Variants in CHRM2 observed in about 807,000 individuals in gnomAD.
CHRM2 encodes muscarinic acetylcholine receptor M2.
In CHRM2, 8 loss-of-function variants were observed where a neutral mutation model predicts 25.0. That is an observed-to-expected ratio of 0.32 (90% CI 0.19 to 0.58). The LOEUF (loss-of-function observed/expected upper bound fraction) is 0.58, where lower values mean the gene tolerates loss of function less well. Among genes scored for constraint, CHRM2 ranks in the 20% least tolerant of loss-of-function variants. The pLI is 0.88. For missense variants in CHRM2, 440 were observed against 567.1 expected (o/e 0.78, Z 2.28); for synonymous variants, 202 against 205.7 (o/e 0.98, Z 0.15).
chr7:136,975,278 TG>T (rs1802037809), intron 2 of CHRM2, among the ~76,000 whole-genome samples: 1 of 152,156 alleles, frequency 6.6e-6, no homozygotes, highest in Admixed American at 6.5e-5. Flanking sequence ...TGGAGTCAAC[TG>T]ACACACAGGG....
chr7:136,890,794 T>C (rs568893483), intron 2 of CHRM2, among the ~76,000 whole-genome samples: 1 of 152,310 alleles, frequency 6.6e-6, no homozygotes, highest in South Asian at 2.1e-4. Flanking sequence ...TGTATGTGTA[T>C]GTGTGAATTT....
chr7:137,007,996 T>C (rs1804560513), intron 3 of CHRM2, among the ~76,000 whole-genome samples: 1 of 152,120 alleles, frequency 6.6e-6, no homozygotes, highest in Non-Finnish European at 1.5e-5. Context: ...GTTTATAAAT[T>C]AGTGGGATTA....
rs1269792475 is a variant in CHRM2 at position 137,012,087 on chromosome 7, A to G, written c.-46-2733A>G. On this transcript the variant is annotated intron_variant, in intron 3 of 3. Transcript: ENST00000680005. ...GTCCTATGCTTTATCAAAATTATGA[A>G]TAATTAAAATGCAGAGTCAATACAT... Among the ~76,000 whole-genome samples, 3 of 146,178 alleles carry G rather than the reference A, an allele frequency of 2.1e-5. No individual in the cohort carries two copies. The East Asian group carries it at 5.8e-4, about 28-fold the overall frequency.
intron 2 of CHRM2, among the ~76,000 whole-genome samples, chr7:136,947,304 C>CT (rs1294120880): frequency 1.3e-5 from 2 of 151,874 alleles, no homozygotes; most frequent in Non-Finnish European, 2.9e-5. Context: ...AATATGTATG[C>CT]TTTTTTTCCT....
At chr7:136,941,538 C>A (rs192526439) in intron 2 of CHRM2, among the ~76,000 whole-genome samples, 1 of 152,162 alleles carries the variant, frequency 6.6e-6, no homozygotes, top group African/African-American at 2.4e-5. Flanking sequence ...GTGTTCTCCC[C>A]ACATGGGTTT....
At chr7:136,944,896 C>T (rs534222248) in intron 2 of CHRM2, among the ~76,000 whole-genome samples, 1 of 152,048 alleles carries the variant, frequency 6.6e-6, no homozygotes, top group Middle Eastern at 3.2e-3. Context: ...CTTTTCACCA[C>T]ATCCATACCA....
intron 2 of CHRM2, among the ~76,000 whole-genome samples, chr7:136,943,916 C>G (rs1226527813): frequency 1.3e-5 from 2 of 152,066 alleles, no homozygotes; most frequent in African/African-American, 4.8e-5. Flanking sequence ...AACTCCTGCC[C>G]ATGTATACAA....
intron 2 of CHRM2, among the ~76,000 whole-genome samples, chr7:136,940,331 A>G (rs1799693334): frequency 6.6e-6 from 1 of 152,212 alleles, no homozygotes; most frequent in Non-Finnish European, 1.5e-5. Flanking sequence ...CGTTGAACAG[A>G]TCAGAGAGGA....
chr7:136,932,216 C>G (rs1233570235), intron 2 of CHRM2, among the ~76,000 whole-genome samples: 1 of 152,084 alleles, frequency 6.6e-6, no homozygotes, highest in African/African-American at 2.4e-5. Flanking sequence ...ATAAAACGGA[C>G]AAAATCTTAG....
chr7:136,883,190 G>C (rs902907226), intron 2 of CHRM2, among the ~76,000 whole-genome samples: 2 of 152,084 alleles, frequency 1.3e-5, no homozygotes, highest in African/African-American at 4.8e-5. Flanking sequence ...CCTAGCAGTG[G>C]GGATCTTCCA....
chr7:136,926,348 G>A lies in CHRM2; in HGVS notation c.-125+56930G>A, dbSNP rs373284378. On this transcript the variant is annotated intron_variant, in intron 2 of 3. Transcript: ENST00000680005. ...AGTTGACATATTTTTGAGCACCTATGACGTGTCAGGCAGGAATAGACTGCT... is the reference window on the plus strand; with the variant it reads ...AGTTGACATATTTTTGAGCACCTATAACGTGTCAGGCAGGAATAGACTGCT... 2.0e-5 allele frequency among the ~76,000 whole-genome samples: 3 copies of A among 152,270 alleles called. No homozygotes were observed. The East Asian group carries it at 5.8e-4, about 29-fold the overall frequency.
chr7:136,925,687 T>C (rs12536341), intron 2 of CHRM2, among the ~76,000 whole-genome samples: 36,271 of 152,034 alleles, frequency 0.24, 5,694 homozygotes, highest in Non-Finnish European at 0.35. Flanking sequence ...ACCTCCTGTC[T>C]CTGCAGAAAT....
intron 2 of CHRM2, among the ~76,000 whole-genome samples, chr7:136,912,654 G>A (rs765352705): frequency 6.6e-6 from 1 of 151,780 alleles, no homozygotes; most frequent in Non-Finnish European, 1.5e-5. Flanking sequence ...TTGCTTCTTA[G>A]GTGGTAAAAA....
chr7:136,930,059 C>T (rs1798969009), intron 2 of CHRM2, among the ~76,000 whole-genome samples: 3 of 151,160 alleles, frequency 2.0e-5, no homozygotes, highest in Admixed American at 2.0e-4. Flanking sequence ...CAACCTCTGC[C>T]AATTAATGAA....
intron 3 of CHRM2, among the ~76,000 whole-genome samples, chr7:137,000,025 A>G (rs1478007431): frequency 1.3e-5 from 2 of 152,124 alleles, no homozygotes; most frequent in Admixed American, 1.3e-4. Context: ...TACTAAAACA[A>G]CATCTCAAAC....
intron 2 of CHRM2, among the ~76,000 whole-genome samples, chr7:136,964,078 C>A (rs1278910763): frequency 6.6e-6 from 1 of 152,028 alleles, no homozygotes; most frequent in African/African-American, 2.4e-5. Flanking sequence ...CCGGTCCATA[C>A]AAATTCACCA....
intron 2 of CHRM2, among the ~76,000 whole-genome samples, chr7:136,987,151 T>A (rs1411986578): frequency 6.6e-6 from 1 of 152,222 alleles, no homozygotes; most frequent in East Asian, 1.9e-4. Context: ...CTCCTTTCTC[T>A]ATTTTTCCTT....
chr7:136,999,897 T>C (rs1450591550), intron 3 of CHRM2, among the ~76,000 whole-genome samples: 2 of 152,168 alleles, frequency 1.3e-5, no homozygotes, highest in African/African-American at 4.8e-5. Context: ...TAAATGGTGA[T>C]GAATGTAAGA....
At chr7:136,933,199 T>TCTAAA (rs1799214476) in intron 2 of CHRM2, among the ~76,000 whole-genome samples, 1 of 152,158 alleles carries the variant, frequency 6.6e-6, no homozygotes, top group Admixed American at 6.5e-5. Flanking sequence ...TCTCACAACT[T>TCTAAA]CTAAAGAAAC....
Sources: allele counts gnomAD v4.1 joint callset (sites outside exome capture counted in the v4.1 genomes callset), GRCh38; gene constraint gnomAD v4.1.1; transcripts MANE v1.5; gene names NCBI Gene and HGNC (gene_info 2026-07-23, HGNC 2026-07-21).